The following TMEM26 variants were observed in gnomAD, a reference collection of about 807,000 sequenced individuals.
TMEM26 encodes transmembrane protein 26.
TMEM26 carries 38 observed loss-of-function variants against 28.8 expected under a neutral mutation model. That is an observed-to-expected ratio of 1.32 (90% CI 1.02 to 1.73). TMEM26 has a LOEUF of 1.73. TMEM26 is among the 40% of genes most tolerant of loss of function. The probability of loss-of-function intolerance (pLI) is 0.00; values close to 1 mark genes in which losing one functional copy is unlikely to be tolerated. For missense variants in TMEM26, 518 were observed against 447.1 expected, an observed-to-expected ratio of 1.16 and a Z score of -1.43; for synonymous variants, 227 against 182.9, an observed-to-expected ratio of 1.24 and a Z score of -1.95.
chr10:61,449,696 A>C (rs1483381262), intron 1 of TMEM26, among the ~76,000 whole-genome samples: 3 of 152,134 alleles, frequency 2.0e-5, no homozygotes, highest in Non-Finnish European at 2.9e-5. Context: ...ATATATGTAT[A>C]TATTTTAGTC....
In TMEM26 at chr10:61,413,008, G is replaced by C; in HGVS notation, c.682+451C>G. The C allele has an allele frequency of 2.4e-6, 3 of 1,237,272 alleles. No individual in the cohort carries two copies. In the South Asian group the frequency reaches 4.1e-5, roughly 17 times the overall value. The allele number at this position is 1,237,272 out of a possible 1,614,324, so 76.6% of individuals were successfully genotyped here. On this transcript the variant is annotated intron_variant, in intron 5 of 5. Coordinates refer to ENST00000399298, the MANE Select transcript of TMEM26 (RefSeq NM_178505.8). ...GTTCTAATACATGGGTCTGAAAAAA[G>C]AATGAAAATTACTTCTTACAAATAA...
chr10:61,413,573 G>C, intron 4 of TMEM26, 38 bp from the exon 5 acceptor site: 2 of 1,568,726 alleles, frequency 1.3e-6, no homozygotes, highest in Non-Finnish European at 1.7e-6. Flanking sequence ...GTAATAAAAA[G>C]TATGATCACA....
chr10:61,452,394 C>G (rs757354272), intron 1 of TMEM26, among the ~76,000 whole-genome samples: 1 of 152,232 alleles, frequency 6.6e-6, no homozygotes, highest in Non-Finnish European at 1.5e-5. Context: ...AAACCACAGA[C>G]GTGCAGCGAG....
At chr10:61,452,797 A>C in intron 1 of TMEM26, 94 bp downstream of exon 1, 2 of 1,433,460 alleles carry the variant, frequency 1.4e-6, no homozygotes, top group Admixed American at 3.9e-5. Flanking sequence ...AAATTCGAGT[A>C]GAATCTGCGG....
In TMEM26 at chr10:61,436,224, A is replaced by T; in HGVS notation, c.216T>A (p.Tyr72Ter). 1.9e-6 allele frequency: 3 copies of T among 1,605,690 alleles called. No homozygotes were observed. The highest frequency in any genetic ancestry group is 2.6e-6 in the Non-Finnish European group (3 of 1,175,624). Residue 72 changes from tyrosine to a stop codon, truncating the protein, a stop_gained, in exon 2 of 6, where the codon TAT becomes TAA. Coordinates refer to ENST00000399298, the MANE Select transcript of TMEM26 (RefSeq NM_178505.8). LOFTEE classifies it high-confidence loss of function. ...ATAATGATGGAACGATGCTAATCAGATATAAAAATATGGCTGGTGAAAACC... is the reference window on the plus strand; with the variant it reads ...ATAATGATGGAACGATGCTAATCAGTTATAAAAATATGGCTGGTGAAAACC... ...YKWFSPAIFL[Y>*]LISIVPSLWL...
chr10:61,412,013 G>A (rs1839575904), intron 5 of TMEM26, among the ~76,000 whole-genome samples: 1 of 152,102 alleles, frequency 6.6e-6, no homozygotes, highest in South Asian at 2.1e-4. Flanking sequence ...TCTTAGCAAG[G>A]CAATAAACCA....
chr10:61,413,462 C>A lies in TMEM26; in HGVS notation c.679G>T (p.Ala227Ser). The change falls in exon 5 of 6, where the codon GCA becomes TCA. Residue 227 changes from alanine to serine, a missense_variant. Physicochemically the swap from Ala to Ser is moderately conservative, Grantham distance 99. Coordinates refer to ENST00000399298, the MANE Select transcript of TMEM26 (RefSeq NM_178505.8). ...GCACAAACATCAGGATACTTACCTGCCAGGTCAAGTGGAAACTGCAGCATG... is the reference window on the plus strand; with the variant it reads ...GCACAAACATCAGGATACTTACCTGACAGGTCAAGTGGAAACTGCAGCATG... ...WSMLQFPLDLAVQNVVCPVSV... is the reference protein window; with the variant it reads ...WSMLQFPLDLSVQNVVCPVSV... The A allele has an allele frequency of 6.2e-7, 1 of 1,612,590 alleles. No homozygotes were observed. The highest frequency in any genetic ancestry group is 8.5e-7 in the Non-Finnish European group (1 of 1,179,140).
chr10:61,437,712 G>A (rs970774995), intron 1 of TMEM26, among the ~76,000 whole-genome samples: 1 of 152,068 alleles, frequency 6.6e-6, no homozygotes, highest in Non-Finnish European at 1.5e-5. Flanking sequence ...TTGAACCCGG[G>A]AGGCAAATGT....
At chr10:61,422,373 C>T (rs1202049606) in intron 4 of TMEM26, among the ~76,000 whole-genome samples, 1 of 152,106 alleles carries the variant, frequency 6.6e-6, no homozygotes, top group Non-Finnish European at 1.5e-5. Context: ...CTCAAGTACA[C>T]ATGCATCTCC....
chr10:61,436,676 G>A (rs1467206593), intron 1 of TMEM26, among the ~76,000 whole-genome samples: 3 of 152,096 alleles, frequency 2.0e-5, no homozygotes, highest in African/African-American at 7.2e-5. Context: ...ACATTAACCT[G>A]GAACTCTGAG....
In TMEM26 at chr10:61,410,818, G is replaced by C. The variant is rs1217986236; in HGVS notation, c.683-72C>G. 8 of 1,452,986 alleles carry C rather than the reference G, an allele frequency of 5.5e-6. No homozygotes were observed. In the East Asian group the frequency reaches 1.4e-4, roughly 25 times the overall value. The allele number at this position is 1,452,986 out of a possible 1,614,324, so 90.0% of individuals were successfully genotyped here. A position where few individuals can be genotyped will look rare whatever the true frequency, so the allele number is the denominator to read the frequency against. Reference sequence around the variant, plus strand: ...ACATATAAGACAATGCCATGGGGACGAGTCATTAACAATGGGGACTGTGCT... The same window carrying C: ...ACATATAAGACAATGCCATGGGGACCAGTCATTAACAATGGGGACTGTGCT... On this transcript the variant is annotated intron_variant, in intron 5 of 5. Transcript: ENST00000399298.
At chr10:61,444,636 GT>G (rs765227342) in intron 1 of TMEM26, among the ~76,000 whole-genome samples, 2 of 136,640 alleles carry the variant, frequency 1.5e-5, no homozygotes, top group Non-Finnish European at 3.1e-5. Context: ...GGTCACTTGA[GT>G]TTTACCCTCA....
chr10:61,451,342 C>A (rs1018147916), intron 1 of TMEM26, among the ~76,000 whole-genome samples: 2 of 152,176 alleles, frequency 1.3e-5, no homozygotes, highest in African/African-American at 4.8e-5. Flanking sequence ...AGGGGGAGAG[C>A]AGCCCCTCTT....
chr10:61,411,799 A>C (rs527819121), intron 5 of TMEM26, among the ~76,000 whole-genome samples: 8 of 152,346 alleles, frequency 5.3e-5, no homozygotes, highest in African/African-American at 1.4e-4. Context: ...TTCCATTTGG[A>C]GTTTTCAAAC....
Position 61,452,900 on chromosome 10 carries a change from C to A in TMEM26, c.182G>T (p.Gly61Val). Residue 61 changes from glycine (G) to valine (V), a missense_variant, in exon 1 of 6, where the codon GGC becomes GTC. Transcript: ENST00000399298. Reference sequence around the variant, plus strand: ...CCCGGGGCACTCTCACCATTTGTAGCCTCTGCCGCGCTTGAACTTGAGGGT... The same window carrying A: ...CCCGGGGCACTCTCACCATTTGTAGACTCTGCCGCGCTTGAACTTGAGGGT... ...ALTLKFKRGR[G>V]YKWFSPAIFL... 1 of 1,613,258 alleles carries A rather than the reference C, an allele frequency of 6.2e-7. No individual in the cohort carries two copies. Among genetic ancestry groups the A allele is most frequent in the Non-Finnish European group, 8.5e-7 (1 of 1,179,312 alleles).
chr10:61,453,336 T>A lies in TMEM26; in HGVS notation c.-255A>T. The A allele has an allele frequency of 4.3e-6, 2 of 460,038 alleles. No individual in the cohort carries two copies. Among genetic ancestry groups the A allele is most frequent in the Non-Finnish European group, 8.0e-6 (2 of 250,840 alleles). 28.5% of individuals were successfully genotyped at this position (460,038 alleles called of 1,614,324 possible). The stretch of plus-strand genomic sequence containing the variant: ...CCAGACTGCTGGGTTTTCCAGGGAG[T>A]CTGGGGCTGCGCTGCCCTGTCTCCA... On this transcript the variant is annotated 5_prime_UTR_variant, in exon 1 of 6. Transcript: ENST00000399298.
intron 4 of TMEM26, among the ~76,000 whole-genome samples, chr10:61,422,106 T>G (rs958306331): frequency 6.6e-6 from 1 of 152,106 alleles, no homozygotes; most frequent in African/African-American, 2.4e-5. Context: ...ATTGGAAATA[T>G]GTTAACAATT....
intron 2 of TMEM26, among the ~76,000 whole-genome samples, chr10:61,435,919 A>G (rs1412315545): frequency 6.6e-6 from 1 of 152,218 alleles, no homozygotes; most frequent in African/African-American, 2.4e-5. Flanking sequence ...AGTCTTAGTA[A>G]TAAGATCTCT....
At chr10:61,411,243 T>C (rs936752550) in intron 5 of TMEM26, among the ~76,000 whole-genome samples, 1 of 152,160 alleles carries the variant, frequency 6.6e-6, no homozygotes, top group African/African-American at 2.4e-5. Context: ...CACGGTTTCT[T>C]CCTTTGAAAA....
Sources: gnomAD v4.1 joint callset for allele counts (sites outside exome capture counted in the v4.1 genomes callset) on GRCh38, gnomAD v4.1.1 for gene constraint, MANE v1.5 for transcripts, NCBI Gene and HGNC (gene_info 2026-07-23, HGNC 2026-07-21) for gene names.